Variants in GPC6 observed in about 807,000 individuals in gnomAD.
GPC6 encodes the protein glypican 6.
GPC6 carries 14 observed loss-of-function variants against 55.2 expected under a neutral mutation model. That is an observed-to-expected ratio of 0.25 (90% CI 0.17 to 0.40). GPC6 has a LOEUF of 0.40. Ranked by LOEUF, GPC6 falls within the 10% of genes least tolerant of loss-of-function variation. GPC6 has a pLI of 1.00. For synonymous variants in GPC6, 278 were observed against 259.6 expected (o/e 1.07, Z -0.68); for missense variants, 641 against 708.5 (o/e 0.90, Z 1.08).
At chr13:93,723,943 C>T (rs981624430) in intron 2 of GPC6, among the ~76,000 whole-genome samples, 4 of 151,900 alleles carry the variant, frequency 2.6e-5, no homozygotes, top group Non-Finnish European at 4.4e-5. Context: ...TGAACAGAGA[C>T]AGACCCAGGT....
chr13:93,229,429 T>A lies in GPC6; in HGVS notation c.160+1813T>A, dbSNP rs553371791. 5.3e-5 allele frequency among the ~76,000 whole-genome samples: 8 copies of A among 152,334 alleles called. No individual in the cohort carries two copies. In the South Asian group the frequency reaches 1.7e-3, roughly 32 times the overall value. ...TCTCAAAGAAGAAAATAGTTAGGTA[T>A]TTTTAAATTGCTTCGGTATTCTTTA... On this transcript the variant is annotated intron_variant, in intron 1 of 8. Transcript: ENST00000377047.
At chr13:94,248,365 T>G (rs1322840827) in intron 4 of GPC6, among the ~76,000 whole-genome samples, 2 of 152,096 alleles carry the variant, frequency 1.3e-5, no homozygotes, top group African/African-American at 2.4e-5. Flanking sequence ...CTTAAGAAAT[T>G]TACTTTGACT....
At chr13:93,889,952 T>G (rs1437765996) in intron 3 of GPC6, among the ~76,000 whole-genome samples, 1 of 152,030 alleles carries the variant, frequency 6.6e-6, no homozygotes, top group Non-Finnish European at 1.5e-5. Flanking sequence ...ATACATACCA[T>G]TCTATAGAAT....
chr13:93,486,658 C>A (rs918550626), intron 1 of GPC6, among the ~76,000 whole-genome samples: 1 of 152,096 alleles, frequency 6.6e-6, no homozygotes, highest in African/African-American at 2.4e-5. Flanking sequence ...GTGTAAGAGA[C>A]CATCTTGGCC....
At chr13:94,315,465 A>C (rs186867513) in intron 6 of GPC6, among the ~76,000 whole-genome samples, 74 of 152,298 alleles carry the variant, frequency 4.9e-4, no homozygotes, top group Non-Finnish European at 9.0e-4. Flanking sequence ...TGGCAGGGGA[A>C]ATGGAGAATG....
chr13:94,028,132 G>A (rs1283383018), intron 4 of GPC6, among the ~76,000 whole-genome samples: 1 of 152,072 alleles, frequency 6.6e-6, no homozygotes, highest in Admixed American at 6.6e-5. Flanking sequence ...GGGCGTGGTA[G>A]CACACATCTA....
chr13:93,931,943 T>C (rs1010536441), intron 3 of GPC6, among the ~76,000 whole-genome samples: 1 of 152,112 alleles, frequency 6.6e-6, no homozygotes, highest in Non-Finnish European at 1.5e-5. Context: ...ACACAGCTAG[T>C]AGTTGCGGGA....
At chr13:94,266,464 A>G (rs972965692) in intron 4 of GPC6, among the ~76,000 whole-genome samples, 22 of 152,254 alleles carry the variant, frequency 1.4e-4, no homozygotes, top group East Asian at 9.7e-4. Context: ...CACCGCGTCC[A>G]GCCATCTCCC....
At chr13:93,238,326 T>C in intron 1 of GPC6, among the ~76,000 whole-genome samples, 1 of 152,218 alleles carries the variant, frequency 6.6e-6, no homozygotes, top group Admixed American at 6.5e-5. Flanking sequence ...AAAAATTTTA[T>C]TGTTTTGCAG....
At chr13:93,295,226 G>A (rs1268163377) in intron 1 of GPC6, among the ~76,000 whole-genome samples, 3 of 145,912 alleles carry the variant, frequency 2.1e-5, no homozygotes, top group Non-Finnish European at 4.5e-5. Flanking sequence ...GAGAGGTTGA[G>A]GATGCAGCAG....
intron 3 of GPC6, among the ~76,000 whole-genome samples, chr13:93,909,718 GA>G (rs34236022): frequency 0.71 from 107,236 of 151,394 alleles, 38,602 homozygotes; most frequent in South Asian, 0.85. Flanking sequence ...AGGATTTTAG[GA>G]AAAAAAAAAT....
At chr13:94,278,198 A>G (rs971145992) in intron 4 of GPC6, among the ~76,000 whole-genome samples, 1 of 152,048 alleles carries the variant, frequency 6.6e-6, no homozygotes, top group African/African-American at 2.4e-5. Context: ...CTTTGTAGCA[A>G]TTGTCAATGG....
intron 3 of GPC6, among the ~76,000 whole-genome samples, chr13:93,838,786 A>T (rs949115608): frequency 2.6e-5 from 4 of 152,084 alleles, no homozygotes; most frequent in African/African-American, 9.7e-5. Flanking sequence ...GAGACCCTCC[A>T]GCTCAACAGC....
intron 2 of GPC6, among the ~76,000 whole-genome samples, chr13:93,823,942 T>C (rs553217661): frequency 1.3e-5 from 2 of 152,314 alleles, no homozygotes; most frequent in South Asian, 2.1e-4. Context: ...AATTATGAGA[T>C]GCAGAAGTGG....
intron 1 of GPC6, among the ~76,000 whole-genome samples, chr13:93,304,024 A>G (rs982268853): frequency 2.0e-5 from 3 of 151,798 alleles, no homozygotes; most frequent in African/African-American, 4.8e-5. Context: ...GCTCACCACC[A>G]TGCTTGGCTA....
At chr13:93,702,190 G>A (rs1436772794) in intron 2 of GPC6, among the ~76,000 whole-genome samples, 1 of 152,030 alleles carries the variant, frequency 6.6e-6, no homozygotes, top group Non-Finnish European at 1.5e-5. Context: ...TTGATGTTCT[G>A]TTAGCAAGCA....
intron 4 of GPC6, among the ~76,000 whole-genome samples, chr13:94,254,293 T>G (rs1891440378): frequency 6.6e-6 from 1 of 152,148 alleles, no homozygotes; most frequent in African/African-American, 2.4e-5. Flanking sequence ...GTAAGGACTT[T>G]ATGAAGTTAT....
intron 1 of GPC6, chr13:93,395,375 AT>A: frequency 2.7e-6 from 1 of 371,226 alleles, no homozygotes; most frequent in Middle Eastern, 9.4e-4. Flanking sequence ...GTATTTCGGA[AT>A]GACAATCTTA....
intron 3 of GPC6, among the ~76,000 whole-genome samples, chr13:93,877,497 G>T (rs1424359526): frequency 6.6e-6 from 1 of 151,958 alleles, no homozygotes; most frequent in Non-Finnish European, 1.5e-5. Flanking sequence ...AATTTCAAAT[G>T]TGTTCCTCTT....
Sources: allele counts gnomAD v4.1 joint callset (sites outside exome capture counted in the v4.1 genomes callset), GRCh38; gene constraint gnomAD v4.1.1; transcripts MANE v1.5; gene names NCBI Gene and HGNC (gene_info 2026-07-23, HGNC 2026-07-21).